AMBRA1: variants seen among roughly 807,000 people sequenced by gnomAD.
AMBRA1 encodes the protein activating molecule in BECN1-regulated autophagy protein 1.
Under a neutral mutation model 125.4 loss-of-function variants are expected in AMBRA1, and 47 were observed. The ratio of observed to expected loss-of-function variants is 0.37; its 90% confidence interval spans 0.30 to 0.48. The LOEUF (loss-of-function observed/expected upper bound fraction) is 0.48. AMBRA1 is among the 20% of genes least tolerant of loss of function. The pLI, the probability that AMBRA1 is intolerant of heterozygous loss-of-function variation, is 0.99. For missense variants in AMBRA1, 1,331 were observed against 1,693.4 expected (o/e 0.79, Z 3.76); for synonymous variants, 626 against 655.5 (o/e 0.95, Z 0.69).
At chr11:46,472,748 C>T (rs1949651743) in intron 11 of AMBRA1, among the ~76,000 whole-genome samples, 1 of 152,220 alleles carries the variant, frequency 6.6e-6, no homozygotes, top group East Asian at 1.9e-4. Context: ...ACACAAATCA[C>T]TTACAGTAAG....
chr11:46,463,421 C>G lies in AMBRA1; in HGVS notation c.2522-19823G>C, dbSNP rs190951597. The stretch of plus-strand genomic sequence containing the variant: ...CTCTGCTGTAGAAGGTATGCAGTAA[C>G]TCCATATTAATTAAAGAAACAAAGG... On this transcript the variant is annotated intron_variant, in intron 11 of 17. Transcript: ENST00000683756. 2.5e-3 allele frequency among the ~76,000 whole-genome samples: 381 copies of G among 152,264 alleles called. 1 individual carries two copies. Among genetic ancestry groups the G allele is most frequent in the Middle Eastern group, 0.017 (5 of 294 alleles).
At chr11:46,517,830 C>CAA (rs202001744) in intron 7 of AMBRA1, among the ~76,000 whole-genome samples, 13 of 77,892 alleles carry the variant, frequency 1.7e-4, no homozygotes, top group South Asian at 9.8e-4. Flanking sequence ...GACTCTGTCT[C>CAA]AAAAAAAAAA....
chr11:46,574,444 T>C (rs960655844), intron 1 of AMBRA1, among the ~76,000 whole-genome samples: 3 of 151,654 alleles, frequency 2.0e-5, no homozygotes, highest in African/African-American at 7.3e-5. Context: ...TCATGTGTTT[T>C]TTGGCTGCAT....
intron 14 of AMBRA1, among the ~76,000 whole-genome samples, chr11:46,427,994 G>C (rs538269348): frequency 1.5e-5 from 2 of 132,012 alleles, no homozygotes; most frequent in African/African-American, 2.8e-5. Context: ...GGGCGACAGA[G>C]GGAGACTCCA....
chr11:46,525,296 G>T (rs1951920194), intron 7 of AMBRA1, among the ~76,000 whole-genome samples: 1 of 151,916 alleles, frequency 6.6e-6, no homozygotes, highest in Non-Finnish European at 1.5e-5. Flanking sequence ...TTGAAACCCT[G>T]TTTCAAAAAT....
intron 10 of AMBRA1, 161 bp downstream of exon 10, chr11:46,493,963 G>A: frequency 1.4e-6 from 1 of 710,462 alleles, no homozygotes; most frequent in Non-Finnish European, 2.3e-6. Context: ...TTTGAATGTG[G>A]CTAACCATCA....
At chr11:46,433,399 C>T in intron 14 of AMBRA1, 75 bp downstream of exon 14, 3 of 1,540,506 alleles carry the variant, frequency 1.9e-6, no homozygotes, top group Admixed American at 1.9e-5. Flanking sequence ...TGGGAGGTCA[C>T]ACCACTGTCC....
In AMBRA1 at chr11:46,468,975, C is replaced by T. The variant is rs919810878; in HGVS notation, c.2521+24633G>A. ...CCTGACCAACATGGCAAAACCCCGT[C>T]TCTACTAAACATACAAAATTAGCTG... On this transcript the variant is annotated intron_variant, in intron 11 of 17. Coordinates refer to ENST00000683756, the MANE Select transcript of AMBRA1 (RefSeq NM_001387011.1). 2.6e-5 allele frequency among the ~76,000 whole-genome samples: 4 copies of T among 151,810 alleles called. No individual in the cohort carries two copies. The East Asian group carries it at 7.8e-4, about 30-fold the overall frequency.
chr11:46,482,158 GT>G (rs1369387532), intron 11 of AMBRA1, among the ~76,000 whole-genome samples: 1 of 152,128 alleles, frequency 6.6e-6, no homozygotes, highest in Non-Finnish European at 1.5e-5. Flanking sequence ...TTTTAGGATT[GT>G]TTTTCTCTAT....
chr11:46,460,176 GACA>G (rs1949038208), intron 11 of AMBRA1, among the ~76,000 whole-genome samples: 1 of 152,194 alleles, frequency 6.6e-6, no homozygotes, highest in Non-Finnish European at 1.5e-5. Context: ...ATCGGGAACA[GACA>G]ACAAGACATA....
At chr11:46,409,478 A>G (rs911199165) in intron 16 of AMBRA1, among the ~76,000 whole-genome samples, 3 of 152,170 alleles carry the variant, frequency 2.0e-5, no homozygotes, top group African/African-American at 7.2e-5. Flanking sequence ...GATTACAGGC[A>G]TGAGCCACCG....
chr11:46,508,846 G>T (rs562482914), intron 8 of AMBRA1, among the ~76,000 whole-genome samples: 1 of 152,324 alleles, frequency 6.6e-6, no homozygotes, highest in South Asian at 2.1e-4. Context: ...GATGATTAAA[G>T]AAGGTATCCA....
At chr11:46,483,429 G>C (rs973060944) in intron 11 of AMBRA1, among the ~76,000 whole-genome samples, 8 of 152,296 alleles carry the variant, frequency 5.3e-5, no homozygotes, top group Middle Eastern at 3.4e-3. Context: ...TTGTTGATCA[G>C]CAAGTTTTAA....
At chr11:46,506,845 G>A (rs1236668631) in intron 9 of AMBRA1, among the ~76,000 whole-genome samples, 1 of 152,106 alleles carries the variant, frequency 6.6e-6, no homozygotes, top group South Asian at 2.1e-4. Flanking sequence ...AGCAGCAGAT[G>A]AGAGAATGCA....
chr11:46,581,627 A>C (rs2044173946), intron 1 of AMBRA1, among the ~76,000 whole-genome samples: 1 of 151,742 alleles, frequency 6.6e-6, no homozygotes, highest in African/African-American at 2.4e-5. Flanking sequence ...AAATAAATAC[A>C]TAAATAAATA....
chr11:46,498,699 C>CA (rs1950726680), intron 9 of AMBRA1, among the ~76,000 whole-genome samples: 1 of 152,180 alleles, frequency 6.6e-6, no homozygotes, highest in South Asian at 2.1e-4. Flanking sequence ...CCTGACCAGA[C>CA]AGTCAGGTTG....
chr11:46,412,598 T>C (rs933578115), intron 15 of AMBRA1, among the ~76,000 whole-genome samples: 4 of 152,168 alleles, frequency 2.6e-5, no homozygotes. Flanking sequence ...ACTAATTGTA[T>C]TGTTAATTTT....
intron 1 of AMBRA1, among the ~76,000 whole-genome samples, chr11:46,564,269 G>A (rs2043444610): frequency 6.8e-6 from 1 of 146,806 alleles, no homozygotes; most frequent in Admixed American, 6.9e-5. Context: ...CATATGAACT[G>A]ATAAAGACAA....
intron 11 of AMBRA1, among the ~76,000 whole-genome samples, chr11:46,490,032 G>T (rs964696826): frequency 6.6e-6 from 1 of 152,194 alleles, no homozygotes; most frequent in Non-Finnish European, 1.5e-5. Context: ...ACCTCACAGG[G>T]TTGTTGCAAA....
Sources: gnomAD v4.1 joint callset for allele counts (sites outside exome capture counted in the v4.1 genomes callset) on GRCh38, gnomAD v4.1.1 for gene constraint, MANE v1.5 for transcripts, NCBI Gene and HGNC (gene_info 2026-07-23, HGNC 2026-07-21) for gene names.